The following EPHB2 variants were observed in gnomAD, a reference collection of about 807,000 sequenced individuals.
The protein encoded by EPHB2 is ephrin type-B receptor 2.
Under a neutral mutation model 96.4 loss-of-function variants are expected in EPHB2, and 18 were observed. The observed-to-expected ratio is 0.19, with a 90% CI of 0.13 to 0.28. The LOEUF (loss-of-function observed/expected upper bound fraction) is 0.28. Among genes scored for constraint, EPHB2 ranks in the 10% least tolerant of loss-of-function variants. The pLI is 1.00. For missense variants in EPHB2, 989 were observed against 1,355.4 expected (o/e 0.73, Z 4.25); for synonymous variants, 506 against 534.1 (o/e 0.95, Z 0.72).
In EPHB2 at chr1:22,863,298, C is replaced by G. The variant is rs1217068614; in HGVS notation, c.967+106C>G. 3.2e-6 allele frequency: 5 copies of G among 1,560,272 alleles called. No homozygotes were observed. In the African/African-American group the frequency reaches 6.8e-5, roughly 21 times the overall value. On this transcript the variant is annotated intron_variant, in intron 4 of 15. Coordinates refer to ENST00000374630, the MANE Select transcript of EPHB2 (RefSeq NM_017449.5). ...TGCCGTCCGGTTACAGCCAGTCTTT[C>G]CCTGGTGGGAAGAGAAATGGAAAAG...
chr1:22,834,513 G>C (rs1215957810), intron 3 of EPHB2, among the ~76,000 whole-genome samples: 1 of 152,150 alleles, frequency 6.6e-6, no homozygotes, highest in Non-Finnish European at 1.5e-5. Flanking sequence ...TAGCCTTTGT[G>C]GGTTTTACAA....
chr1:22,910,625 G>T (rs74899501), intron 14 of EPHB2, 50 bp downstream of exon 14: 2 of 1,601,254 alleles, frequency 1.2e-6, no homozygotes, highest in Non-Finnish European at 1.7e-6. Context: ...CCCTCTTCCC[G>T]TCTCCCATCC....
In EPHB2 at chr1:22,913,694, A is replaced by T; in HGVS notation, c.*124A>T. 1 of 1,603,718 alleles carries T rather than the reference A, an allele frequency of 6.2e-7. No individual in the cohort carries two copies. The highest frequency in any genetic ancestry group is 8.5e-7 in the Non-Finnish European group (1 of 1,175,216). On this transcript the variant is annotated 3_prime_UTR_variant, in exon 16 of 16. Coordinates refer to ENST00000374630, the MANE Select transcript of EPHB2 (RefSeq NM_017449.5). The surrounding 1 kb of genome is among the most constrained non-coding windows in gnomAD (Gnocchi z 4.1). ...CGCCAGGAGGCCACGGGCCACGGGA[A>T]GAACCAAGCGGTGCCAGCCACGAGA...
chr1:22,716,108 A>T (rs1240435017), intron 1 of EPHB2, among the ~76,000 whole-genome samples: 2 of 152,128 alleles, frequency 1.3e-5, no homozygotes, highest in Non-Finnish European at 2.9e-5. Context: ...GTGTGGACAG[A>T]CTCAGACTCC....
chr1:22,788,753 G>GTTTTTTTT (rs66554696), intron 3 of EPHB2, among the ~76,000 whole-genome samples: 1 of 134,162 alleles, frequency 7.5e-6, no homozygotes, highest in African/African-American at 2.9e-5. Context: ...TTTTGTTTTT[G>GTTTTTTTT]TTTTTTTTTT....
At chr1:22,795,465 C>CGTTTTGTTTT (rs71982185) in intron 3 of EPHB2, among the ~76,000 whole-genome samples, 9 of 11,892 alleles carry the variant, frequency 7.6e-4, no homozygotes, top group African/African-American at 1.3e-3. Flanking sequence ...AACTGGTTTC[C>CGTTTTGTTTT]GTTTTGTTTT....
rs900875800 is a variant in EPHB2, at chr1:22,917,045, G to A, written c.*3475G>A. On this transcript the variant is annotated 3_prime_UTR_variant, in exon 16 of 16. Coordinates refer to ENST00000374630, the MANE Select transcript of EPHB2 (RefSeq NM_017449.5). ...ACCAGAGGCCTCAGAGCAGGGACCC[G>A]GGTGGCGGGGCAGTAGGAGACACTT... The A allele has an allele frequency of 3.3e-5, 5 of 152,332 alleles. No individual in the cohort carries two copies. The highest frequency in any genetic ancestry group is 5.9e-5 in the Non-Finnish European group (4 of 68,164). 9.4% of individuals were successfully genotyped at this position (152,332 alleles called of 1,614,324 possible).
chr1:22,866,694 G>A (rs1446964273), intron 5 of EPHB2, among the ~76,000 whole-genome samples: 2 of 152,142 alleles, frequency 1.3e-5, no homozygotes, highest in Admixed American at 1.3e-4. Flanking sequence ...AGTACTTTGG[G>A]AGGCCAAGGC....
intron 1 of EPHB2, among the ~76,000 whole-genome samples, chr1:22,740,961 G>A (rs1036283743): frequency 5.3e-5 from 8 of 152,070 alleles, no homozygotes; most frequent in South Asian, 2.1e-4. Flanking sequence ...AGCATGAGCC[G>A]TCCCTGCGAT....
chr1:22,770,085 AGATG>A (rs890204164), intron 1 of EPHB2, among the ~76,000 whole-genome samples: 19 of 152,174 alleles, frequency 1.2e-4, no homozygotes, highest in African/African-American at 4.6e-4. Context: ...TTTGACGAAT[AGATG>A]GATGGATGGA....
intron 3 of EPHB2, among the ~76,000 whole-genome samples, chr1:22,849,369 A>G (rs1009604368): frequency 5.3e-5 from 8 of 151,738 alleles, no homozygotes; most frequent in African/African-American, 9.7e-5. Context: ...CCATCTGTCT[A>G]TTGCTTCTTT....
At chr1:22,811,341 T>C (rs1384817907) in intron 3 of EPHB2, among the ~76,000 whole-genome samples, 1 of 152,206 alleles carries the variant, frequency 6.6e-6, no homozygotes, top group Non-Finnish European at 1.5e-5. Flanking sequence ...CGGACCCTAA[T>C]GACCAGCAAG....
intron 1 of EPHB2, among the ~76,000 whole-genome samples, chr1:22,715,773 T>C (rs1160334187): frequency 6.6e-6 from 1 of 152,186 alleles, no homozygotes; most frequent in African/African-American, 2.4e-5. Flanking sequence ...GCCAGCTGAC[T>C]TCACAGGCAG....
chr1:22,726,213 A>G (rs1409076399), intron 1 of EPHB2, among the ~76,000 whole-genome samples: 1 of 151,624 alleles, frequency 6.6e-6, no homozygotes, highest in East Asian at 1.9e-4. Flanking sequence ...TCCTTCTCCT[A>G]CTCCATTGCT....
At chr1:22,802,284 G>A (rs1405120615) in intron 3 of EPHB2, among the ~76,000 whole-genome samples, 1 of 152,166 alleles carries the variant, frequency 6.6e-6, no homozygotes, top group Non-Finnish European at 1.5e-5. Context: ...AAGCTCAGCT[G>A]TGTCTACAGT....
rs1440974438 is a variant in EPHB2, at chr1:22,916,528, G to A, written c.*2958G>A. On this transcript the variant is annotated 3_prime_UTR_variant, in exon 16 of 16. Transcript: ENST00000374630. This position sits in a 1 kb window ranked among gnomAD's most constrained non-coding sequence, Gnocchi z 4.2. Reference sequence around the variant, plus strand: ...CCCACCCACCCCACCCGCTACCGGGGCAGTCGCCCCGCCCCAACCTCTTGC... The same window carrying A: ...CCCACCCACCCCACCCGCTACCGGGACAGTCGCCCCGCCCCAACCTCTTGC... 1.0e-5 allele frequency: 1 copy of A among 96,272 alleles called. No homozygotes were observed. Among genetic ancestry groups the A allele is most frequent in the Non-Finnish European group, 2.2e-5 (1 of 46,292 alleles). The allele number at this position is 96,272 out of a possible 1,614,324, so 6.0% of individuals were successfully genotyped here.
chr1:22,867,929 A>T (rs1369380639), intron 5 of EPHB2, among the ~76,000 whole-genome samples: 1 of 152,182 alleles, frequency 6.6e-6, no homozygotes, highest in East Asian at 1.9e-4. Context: ...CAGATTAGAA[A>T]ACCTCAGCTG....
chr1:22,795,866 G>A (rs1319458712), intron 3 of EPHB2, among the ~76,000 whole-genome samples: 3 of 152,024 alleles, frequency 2.0e-5, no homozygotes, highest in South Asian at 2.1e-4. Flanking sequence ...TCCCCCCGCC[G>A]GGGGAGGTTT....
At chr1:22,853,149 A>G (rs995602588) in intron 3 of EPHB2, among the ~76,000 whole-genome samples, 8 of 152,220 alleles carry the variant, frequency 5.3e-5, no homozygotes, top group South Asian at 2.1e-4. Context: ...AGGAGATCGA[A>G]ACCATCCTGG....
Sources: allele counts gnomAD v4.1 joint callset (sites outside exome capture counted in the v4.1 genomes callset), GRCh38; gene constraint gnomAD v4.1.1; non-coding constraint Gnocchi (gnomAD v3.1); transcripts MANE v1.5; gene names NCBI Gene and HGNC (gene_info 2026-07-23, HGNC 2026-07-21).